Variants in GRM5 observed in about 807,000 individuals in gnomAD.
GRM5 encodes glutamate metabotropic receptor 5, also known as metabotropic glutamate receptor 5.
Under a neutral mutation model 83.1 loss-of-function variants are expected in GRM5, and 19 were observed. The observed-to-expected ratio is 0.23, with a 90% CI of 0.16 to 0.34. The LOEUF is 0.34. GRM5 is among the 10% of genes least tolerant of loss of function. GRM5 has a pLI of 1.00. For missense variants in GRM5, 1,160 were observed against 1,588.3 expected (o/e 0.73, Z 4.58); for synonymous variants, 675 against 633.6 (o/e 1.07, Z -0.98).
At chr11:88,952,685 T>C (rs1938502188) in intron 2 of GRM5, among the ~76,000 whole-genome samples, 1 of 152,064 alleles carries the variant, frequency 6.6e-6, no homozygotes, top group Non-Finnish European at 1.5e-5. Flanking sequence ...TTTGATGATG[T>C]CAGTATTTTT....
intron 2 of GRM5, among the ~76,000 whole-genome samples, chr11:88,938,444 C>CAAGAAA (rs1163215398): frequency 6.6e-6 from 1 of 150,718 alleles, no homozygotes; most frequent in Non-Finnish European, 1.5e-5. Context: ...TGACATTCAA[C>CAAGAAA]AAGAAAAAGA....
intron 2 of GRM5, among the ~76,000 whole-genome samples, chr11:88,898,760 G>A (rs375840505): frequency 4.6e-5 from 7 of 151,778 alleles, no homozygotes; most frequent in Non-Finnish European, 8.8e-5. Flanking sequence ...CTTTCCATTC[G>A]TTACATTATA....
intron 4 of GRM5, among the ~76,000 whole-genome samples, chr11:88,623,425 C>T (rs1044719714): frequency 1.3e-5 from 2 of 152,070 alleles, no homozygotes; most frequent in East Asian, 1.9e-4. Flanking sequence ...CCACCGTGCC[C>T]GGCCAGAGAC....
chr11:88,627,315 T>G (rs1247912863), intron 4 of GRM5, among the ~76,000 whole-genome samples: 1 of 152,198 alleles, frequency 6.6e-6, no homozygotes, highest in Non-Finnish European at 1.5e-5. Flanking sequence ...TCAATCAATT[T>G]AATCACATTA....
chr11:88,941,480 GGGAGA>G (rs1308438351), intron 2 of GRM5, among the ~76,000 whole-genome samples: 753 of 74,116 alleles, frequency 0.01, 3 homozygotes, highest in African/African-American at 0.064. Flanking sequence ...AAGAGGGGAG[GGGAGA>G]GGAGGGGAGA....
chr11:88,809,675 A>G (rs1223985945), intron 3 of GRM5, among the ~76,000 whole-genome samples: 27 of 152,002 alleles, frequency 1.8e-4, no homozygotes, highest in Admixed American at 1.8e-3. Flanking sequence ...TGTACTTTGA[A>G]AACAAGGCAG....
chr11:88,747,344 T>G (rs1942165579), intron 3 of GRM5, among the ~76,000 whole-genome samples: 1 of 152,154 alleles, frequency 6.6e-6, no homozygotes, highest in African/African-American at 2.4e-5. Flanking sequence ...AGATTATGAC[T>G]GAAACTGACC....
intron 2 of GRM5, chr11:89,009,071 C>A: frequency 1.3e-6 from 1 of 744,634 alleles, no homozygotes; most frequent in Non-Finnish European, 2.5e-6. Flanking sequence ...ATCCCTCTTA[C>A]GCATCTCTTC....
intron 3 of GRM5, among the ~76,000 whole-genome samples, chr11:88,779,482 A>T (rs1344090305): frequency 6.6e-6 from 1 of 152,224 alleles, no homozygotes; most frequent in Non-Finnish European, 1.5e-5. Flanking sequence ...ATAAGTGCTC[A>T]GTTTTCCTGC....
At chr11:88,516,551 G>T (rs772206379) in intron 9 of GRM5, among the ~76,000 whole-genome samples, 2 of 152,146 alleles carry the variant, frequency 1.3e-5, no homozygotes, top group Non-Finnish European at 2.9e-5. Flanking sequence ...TCCTGTTTAG[G>T]CAAAAGACTC....
In GRM5 at chr11:88,745,191, TATTTTTC is replaced by T. The variant is rs1942109400; in HGVS notation, c.912-91795_912-91789del. Among the ~76,000 whole-genome samples the T allele has an allele frequency of 5.9e-4, 15 of 25,558 alleles. No individual in the cohort carries two copies. The South Asian group carries it at 0.056, about 96-fold the overall frequency. 16.8% of individuals were successfully genotyped at this position (25,558 alleles called of 152,430 possible). A position where few individuals can be genotyped will look rare whatever the true frequency, so the allele number is the denominator to read the frequency against. Reference sequence around the variant, plus strand: ...ACTTCTCCTAATTTTTTTTTCTTTTTATTTTTCTTTTTTTTTTTTTCTGAGACAGAAT... The same window carrying T: ...ACTTCTCCTAATTTTTTTTTCTTTTTTTTTTTTTTTTTTCTGAGACAGAAT... On this transcript the variant is annotated intron_variant, in intron 3 of 9. Coordinates refer to ENST00000305447, the MANE Select transcript of GRM5 (RefSeq NM_001143831.3).
intron 5 of GRM5, among the ~76,000 whole-genome samples, chr11:88,600,484 C>G (rs1937953178): frequency 6.6e-6 from 1 of 151,816 alleles, no homozygotes; most frequent in Admixed American, 6.6e-5. Flanking sequence ...TCTGCTCTTC[C>G]TTAACCAGCC....
chr11:88,692,064 C>A lies in GRM5; in HGVS notation c.912-38661G>T, dbSNP rs116980876. 8.7e-4 allele frequency among the ~76,000 whole-genome samples: 132 copies of A among 152,266 alleles called. 1 individual carries two copies. The highest frequency in any genetic ancestry group is 1.5e-3 in the Non-Finnish European group (99 of 68,020). On this transcript the variant is annotated intron_variant, in intron 3 of 9. Coordinates refer to ENST00000305447, the MANE Select transcript of GRM5 (RefSeq NM_001143831.3). ...CCCAGAAACACTGGAAGCTGCACAC[C>A]ATTTTCTTTTGTTTCTTGTTAATGC...
chr11:88,989,791 T>C (rs1257204155), intron 2 of GRM5, among the ~76,000 whole-genome samples: 1 of 149,420 alleles, frequency 6.7e-6, no homozygotes, highest in Non-Finnish European at 1.5e-5. Flanking sequence ...AAGGCAGAAA[T>C]AAAGATGTTC....
intron 2 of GRM5, among the ~76,000 whole-genome samples, chr11:88,974,262 G>C (rs776547738): frequency 1.6e-4 from 24 of 152,248 alleles, no homozygotes; most frequent in Non-Finnish European, 2.8e-4. Flanking sequence ...GAGGGAAGCT[G>C]TGAAGGTGGG....
intron 4 of GRM5, among the ~76,000 whole-genome samples, chr11:88,645,291 G>A (rs1267657682): frequency 6.6e-6 from 1 of 152,092 alleles, no homozygotes; most frequent in African/African-American, 2.4e-5. Flanking sequence ...GGTAAATGAG[G>A]TGAAAAGTGA....
At chr11:88,629,140 G>T (rs1387268749) in intron 4 of GRM5, among the ~76,000 whole-genome samples, 1 of 152,134 alleles carries the variant, frequency 6.6e-6, no homozygotes, top group African/African-American at 2.4e-5. Flanking sequence ...TTTGATATCT[G>T]GATCTGATGG....
chr11:88,659,415 G>A (rs150612084), intron 3 of GRM5, among the ~76,000 whole-genome samples: 113 of 152,238 alleles, frequency 7.4e-4, no homozygotes, highest in African/African-American at 2.5e-3. Context: ...GTTCGTACCT[G>A]TGGTTCCAGT....
intron 2 of GRM5, among the ~76,000 whole-genome samples, chr11:88,867,608 T>C (rs2135557915): frequency 6.6e-6 from 1 of 151,784 alleles, no homozygotes; most frequent in East Asian, 1.9e-4. Flanking sequence ...TGTGTTTGTA[T>C]ACAAGGTCTT....
Sources: allele counts gnomAD v4.1 joint callset (sites outside exome capture counted in the v4.1 genomes callset), GRCh38; gene constraint gnomAD v4.1.1; transcripts MANE v1.5; gene names NCBI Gene and HGNC (gene_info 2026-07-23, HGNC 2026-07-21).